MEIS2: variants seen among roughly 807,000 people sequenced by gnomAD.
The protein encoded by MEIS2 is homeobox protein Meis2.
In MEIS2, 9 loss-of-function variants were observed where a neutral mutation model predicts 58.6. That is an observed-to-expected ratio of 0.15 (90% confidence interval 0.09 to 0.27). MEIS2 has a LOEUF of 0.27. Ranked by LOEUF, MEIS2 falls within the 10% of genes least tolerant of loss-of-function variation. MEIS2 has a pLI of 1.00. For synonymous variants in MEIS2, 221 were observed against 228.4 expected, an observed-to-expected ratio of 0.97 and a Z score of 0.29; for missense variants, 427 against 635.0, an observed-to-expected ratio of 0.67 and a Z score of 3.52.
At chr15:37,002,259 C>T (rs1186054101) in intron 8 of MEIS2, among the ~76,000 whole-genome samples, 1 of 150,808 alleles carries the variant, frequency 6.6e-6, no homozygotes, top group Non-Finnish European at 1.5e-5. Flanking sequence ...CCAGCCCCCA[C>T]CCCCACCCCA....
At chr15:37,015,266 A>T (rs750207553) in intron 8 of MEIS2, among the ~76,000 whole-genome samples, 1 of 152,028 alleles carries the variant, frequency 6.6e-6, no homozygotes, top group Non-Finnish European at 1.5e-5. Flanking sequence ...CTCAGGGTGT[A>T]CTCTCCTGTG....
intron 8 of MEIS2, among the ~76,000 whole-genome samples, chr15:37,025,776 AT>A (rs1436370217): frequency 1.6e-4 from 25 of 152,162 alleles, no homozygotes; most frequent in Non-Finnish European, 3.2e-4. Context: ...AAAATCAAAA[AT>A]TTTAGAGGAT....
intron 7 of MEIS2, among the ~76,000 whole-genome samples, chr15:37,044,538 A>G (rs1465594503): frequency 2.0e-5 from 3 of 152,192 alleles, no homozygotes; most frequent in African/African-American, 7.2e-5. Flanking sequence ...GAGCCAAGGG[A>G]TCTTTCAAGA....
At chr15:36,957,989 A>G (rs1172769164) in intron 8 of MEIS2, among the ~76,000 whole-genome samples, 1 of 152,178 alleles carries the variant, frequency 6.6e-6, no homozygotes, top group Non-Finnish European at 1.5e-5. Context: ...CTTCACATTC[A>G]AATTAGTAAT....
Position 37,099,587 on chromosome 15 carries a change from A to G in MEIS2, c.-121T>C. ...TTCCAAACCAAAGAGACTTCTCCCAATTCTCCAATATGCTATTTTTTAGGG... is the reference window on the plus strand; with the variant it reads ...TTCCAAACCAAAGAGACTTCTCCCAGTTCTCCAATATGCTATTTTTTAGGG... On this transcript the variant is annotated 5_prime_UTR_variant, in exon 1 of 12. Coordinates refer to ENST00000561208, the MANE Select transcript of MEIS2 (RefSeq NM_170675.5). The G allele has an allele frequency of 7.1e-7, 1 of 1,403,558 alleles. No individual in the cohort carries two copies. The highest frequency in any genetic ancestry group is 9.7e-7 in the Non-Finnish European group (1 of 1,029,114). The allele number at this position is 1,403,558 out of a possible 1,614,324, so 86.9% of individuals were successfully genotyped here.
chr15:36,955,916 G>A (rs1411567828), intron 8 of MEIS2, among the ~76,000 whole-genome samples: 1 of 149,922 alleles, frequency 6.7e-6, no homozygotes, highest in Admixed American at 6.8e-5. Context: ...GGTGGCTCAT[G>A]CCTGTAATCT....
At chr15:36,900,169 C>T (rs1417769370) in intron 9 of MEIS2, among the ~76,000 whole-genome samples, 1 of 152,204 alleles carries the variant, frequency 6.6e-6, no homozygotes, top group African/African-American at 2.4e-5. Context: ...CAATATTAAA[C>T]AGTTCTTAAA....
At chr15:37,016,939 C>T (rs1459814679) in intron 8 of MEIS2, among the ~76,000 whole-genome samples, 2 of 152,190 alleles carry the variant, frequency 1.3e-5, no homozygotes, top group African/African-American at 4.8e-5. Context: ...CAATATTTTT[C>T]TAAAATTATA....
At chr15:36,896,759 G>T in intron 9 of MEIS2, 73 bp from the exon 10 acceptor site, 1 of 1,151,032 alleles carries the variant, frequency 8.7e-7, no homozygotes, top group Non-Finnish European at 1.3e-6. Flanking sequence ...CATGAATGCT[G>T]AGGAGCACAA....
intron 7 of MEIS2, among the ~76,000 whole-genome samples, chr15:37,046,548 A>C (rs1281524046): frequency 6.6e-6 from 1 of 152,220 alleles, no homozygotes; most frequent in Admixed American, 6.5e-5. Context: ...ACAGATGGAC[A>C]CATATGTAAA....
At chr15:37,071,729 A>G (rs77207397) in intron 7 of MEIS2, among the ~76,000 whole-genome samples, 1 of 152,202 alleles carries the variant, frequency 6.6e-6, no homozygotes, top group Non-Finnish European at 1.5e-5. Context: ...TTTGCCCATG[A>G]TAAGTGACAG....
At chr15:37,010,695 A>G (rs1204326251) in intron 8 of MEIS2, among the ~76,000 whole-genome samples, 1 of 152,236 alleles carries the variant, frequency 6.6e-6, no homozygotes, top group Non-Finnish European at 1.5e-5. Context: ...ACTGTTTTAG[A>G]TGAATCTCCA....
Position 37,058,054 on chromosome 15 carries a change from G to C in MEIS2, c.755-21095C>G, listed in dbSNP as rs573723078. Among the ~76,000 whole-genome samples, 166 of 152,256 alleles carry C rather than the reference G, an allele frequency of 1.1e-3. 1 individual carries two copies. Among genetic ancestry groups the C allele is most frequent in the Non-Finnish European group, 1.9e-3 (130 of 68,010 alleles). ...AAGCACGATAACAGAAAGTTTCTCA[G>C]GTTACAGCCCTGTACAATGGATTTT... On this transcript the variant is annotated intron_variant, in intron 7 of 11. Transcript: ENST00000561208.
At chr15:37,039,287 G>A (rs1426659994) in intron 7 of MEIS2, among the ~76,000 whole-genome samples, 1 of 152,174 alleles carries the variant, frequency 6.6e-6, no homozygotes, top group African/African-American at 2.4e-5. Flanking sequence ...TCTTCCTTCA[G>A]TGTCTTCCAA....
chr15:36,905,693 T>C (rs1201200282), intron 9 of MEIS2, among the ~76,000 whole-genome samples: 1 of 152,190 alleles, frequency 6.6e-6, no homozygotes, highest in Admixed American at 6.5e-5. Context: ...TGTCACACAT[T>C]GGTAAATCTT....
chr15:36,892,835 C>A (rs12902470), intron 11 of MEIS2, among the ~76,000 whole-genome samples: 105,779 of 152,162 alleles, frequency 0.7, 37,884 homozygotes, highest in East Asian at 0.98. Context: ...ATTTGTAGAC[C>A]TGGACAAAAA....
chr15:37,060,710 G>A (rs142113371), intron 7 of MEIS2, among the ~76,000 whole-genome samples: 19 of 152,300 alleles, frequency 1.2e-4, no homozygotes, highest in African/African-American at 3.8e-4. Context: ...TTATGATCTC[G>A]TAATGATTCT....
chr15:36,964,606 G>A (rs1006838447), intron 8 of MEIS2, among the ~76,000 whole-genome samples: 3 of 152,116 alleles, frequency 2.0e-5, no homozygotes, highest in Non-Finnish European at 4.4e-5. Context: ...AGCCCATATT[G>A]ATTCAGAAAG....
chr15:36,911,182 TA>T (rs1288569542), intron 9 of MEIS2, among the ~76,000 whole-genome samples: 1 of 152,114 alleles, frequency 6.6e-6, no homozygotes, highest in East Asian at 1.9e-4. Context: ...GAAATATTTT[TA>T]AAAAAAAGAT....
Sources: allele counts gnomAD v4.1 joint callset (sites outside exome capture counted in the v4.1 genomes callset), GRCh38; gene constraint gnomAD v4.1.1; transcripts MANE v1.5; gene names NCBI Gene and HGNC (gene_info 2026-07-23, HGNC 2026-07-21).